USP18: variants seen among roughly 807,000 people sequenced by gnomAD.
USP18 encodes ubl carboxyl-terminal hydrolase 18.
A neutral mutation model predicts 48.7 loss-of-function variants in USP18; 11 were observed. That is an observed-to-expected ratio of 0.23 (90% CI 0.14 to 0.37). The LOEUF is 0.37. Among genes scored for constraint, USP18 ranks in the 10% least tolerant of loss-of-function variants. USP18 has a pLI of 1.00. For missense variants in USP18, 285 were observed against 436.4 expected, an observed-to-expected ratio of 0.65 and a Z score of 3.09; for synonymous variants, 114 against 163.2, an observed-to-expected ratio of 0.70 and a Z score of 2.30.
At chr22:18,172,466 C>G (rs1185424178) in intron 8 of USP18, among the ~76,000 whole-genome samples, 1 of 152,102 alleles carries the variant, frequency 6.6e-6, no homozygotes, top group Non-Finnish European at 1.5e-5. Context: ...CCAAACAACG[C>G]CTACACTTGC....
intron 1 of USP18, among the ~76,000 whole-genome samples, chr22:18,154,907 T>G (rs1345160078): frequency 3.3e-5 from 5 of 152,204 alleles, no homozygotes; most frequent in African/African-American, 1.2e-4. Flanking sequence ...GGCTCGTCTT[T>G]CATCAGGAAA....
chr22:18,160,130 C>T (rs1167833690), intron 2 of USP18, 42 bp from the exon 3 acceptor site: 20 of 1,590,456 alleles, frequency 1.3e-5, no homozygotes, highest in Non-Finnish European at 1.7e-5. Flanking sequence ...ACTTCTTTAC[C>T]CTAGGCCTTG....
chr22:18,174,743 G>A (rs1385374061), intron 10 of USP18, among the ~76,000 whole-genome samples: 1 of 151,910 alleles, frequency 6.6e-6, no homozygotes, highest in Non-Finnish European at 1.5e-5. Flanking sequence ...CATACAGTCT[G>A]TACACCATGC....
At chr22:18,154,245 G>C (rs1370442760) in intron 1 of USP18, among the ~76,000 whole-genome samples, 25 of 151,954 alleles carry the variant, frequency 1.6e-4, no homozygotes, top group Admixed American at 1.6e-3. Context: ...ACCCCGTCCA[G>C]CTTGTCTACA....
chr22:18,152,000 G>A (rs1162292173), intron 1 of USP18, among the ~76,000 whole-genome samples: 2 of 152,108 alleles, frequency 1.3e-5, no homozygotes, highest in African/African-American at 4.8e-5. Flanking sequence ...CTTGCAGTGA[G>A]CCAAGATCCG....
chr22:18,154,645 T>C (rs948842784), intron 1 of USP18, among the ~76,000 whole-genome samples: 1 of 152,022 alleles, frequency 6.6e-6, no homozygotes, highest in African/African-American at 2.4e-5. Context: ...CTCAGTATGT[T>C]GCCCGGGCTA....
intron 4 of USP18, among the ~76,000 whole-genome samples, chr22:18,166,255 C>T (rs2123736522): frequency 6.6e-6 from 1 of 152,298 alleles, no homozygotes; most frequent in Middle Eastern, 3.4e-3. Flanking sequence ...TATGGTTCTC[C>T]TCAACTCAAG....
intron 1 of USP18, among the ~76,000 whole-genome samples, chr22:18,156,331 A>G (rs538741254): frequency 1.3e-5 from 2 of 152,238 alleles, no homozygotes; most frequent in Non-Finnish European, 2.9e-5. Context: ...AGAGAATAAA[A>G]GCAGGCTGCC....
At chr22:18,173,320 T>A (rs1286557640) in intron 9 of USP18, 39 bp downstream of exon 9, 2 of 1,576,490 alleles carry the variant, frequency 1.3e-6, no homozygotes. Flanking sequence ...TGCCCTGGAT[T>A]GGCCACCTCT....
At chr22:18,170,686 C>T in intron 7 of USP18, 67 bp from the exon 8 acceptor site, 1 of 1,585,428 alleles carries the variant, frequency 6.3e-7, no homozygotes, top group Non-Finnish European at 8.6e-7. Context: ...GCGTTGCTAG[C>T]CCTGACATTT....
intron 2 of USP18, among the ~76,000 whole-genome samples, chr22:18,158,447 T>A (rs1929230941): frequency 6.6e-6 from 1 of 152,218 alleles, no homozygotes. Flanking sequence ...TTTGTATGGG[T>A]CTGTCTGGAA....
rs540792665 is a variant in USP18, at chr22:18,168,295, A to G, written c.627+259A>G. Reference sequence around the variant, plus strand: ...AGCTCAAATCTCTCTTCCTCTTCGTATGAAGCCACCAGTCCCACTCCCAGG... The same window carrying G: ...AGCTCAAATCTCTCTTCCTCTTCGTGTGAAGCCACCAGTCCCACTCCCAGG... On this transcript the variant is annotated intron_variant, in intron 6 of 10. Coordinates refer to ENST00000215794, the MANE Select transcript of USP18 (RefSeq NM_017414.4). 2.0e-5 allele frequency among the ~76,000 whole-genome samples: 3 copies of G among 152,182 alleles called. No homozygotes were observed. In the South Asian group the frequency reaches 6.2e-4, roughly 32 times the overall value.
intron 6 of USP18, 147 bp downstream of exon 6, chr22:18,168,183 C>T: frequency 7.3e-7 from 1 of 1,361,052 alleles, no homozygotes; most frequent in East Asian, 2.5e-5. Flanking sequence ...CTGGTGAGGG[C>T]CTGCTTGCTG....
At chr22:18,173,490 A>G (rs965461686) in intron 9 of USP18, among the ~76,000 whole-genome samples, 7 of 152,080 alleles carry the variant, frequency 4.6e-5, no homozygotes, top group Non-Finnish European at 1.0e-4. Flanking sequence ...CTTCACTTCT[A>G]AGTTTTTGGT....
At chr22:18,161,344 A>G (rs1347988242) in intron 3 of USP18, among the ~76,000 whole-genome samples, 1 of 112,340 alleles carries the variant, frequency 8.9e-6, no homozygotes, top group Non-Finnish European at 1.8e-5. Context: ...AACCACACGG[A>G]CAGCCTTTCA....
chr22:18,158,200 A>C (rs967333283), intron 2 of USP18, among the ~76,000 whole-genome samples: 3 of 152,148 alleles, frequency 2.0e-5, no homozygotes, highest in Admixed American at 6.5e-5. Context: ...AGGCAGGAGA[A>C]TTGCTTGAAC....
chr22:18,173,795 G>A lies in USP18; in HGVS notation c.1026G>A (p.Val342=). The A allele has an allele frequency of 6.2e-7, 1 of 1,607,598 alleles. No homozygotes were observed. The highest frequency in any genetic ancestry group is 1.1e-5 in the South Asian group (1 of 90,414). Reference sequence around the variant, plus strand: ...CCCCATTTGTTTCTGGCTTCCAGGTGTCCTGGGAAGACATCCAGTGTACCT... The same window carrying A: ...CCCCATTTGTTTCTGGCTTCCAGGTATCCTGGGAAGACATCCAGTGTACCT... ...FCFNDSNICL[V]SWEDIQCTYG... Residue 342 remains valine, a splice_region_variant and synonymous_variant, in exon 10 of 11, where the codon GTG becomes GTA. Transcript: ENST00000215794.
intron 3 of USP18, among the ~76,000 whole-genome samples, chr22:18,161,223 A>T: frequency 6.9e-6 from 1 of 145,936 alleles, no homozygotes; most frequent in African/African-American, 2.6e-5. Context: ...TTCCACCAAC[A>T]CTCACACAAT....
At chr22:18,170,701 G>C in intron 7 of USP18, 52 bp from the exon 8 acceptor site, 1 of 1,601,660 alleles carries the variant, frequency 6.2e-7, no homozygotes. Context: ...ACATTTCTCT[G>C]ACTCTCTCAT....
Sources: gnomAD v4.1 joint callset for allele counts (sites outside exome capture counted in the v4.1 genomes callset) on GRCh38, gnomAD v4.1.1 for gene constraint, MANE v1.5 for transcripts, NCBI Gene and HGNC (gene_info 2026-07-23, HGNC 2026-07-21) for gene names.